Variants in CDH13 observed in about 807,000 individuals in gnomAD.
CDH13 encodes the protein cadherin 13, also known as cadherin-13.
CDH13 carries 24 observed loss-of-function variants against 63.8 expected under a neutral mutation model. The ratio of observed to expected loss-of-function variants is 0.38; its 90% CI spans 0.27 to 0.53. The LOEUF is 0.53. Among genes scored for constraint, CDH13 ranks in the 20% least tolerant of loss-of-function variants. The pLI, the probability that CDH13 is intolerant of heterozygous loss-of-function variation, is 0.85. For synonymous variants in CDH13, 503 were observed against 355.3 expected, an observed-to-expected ratio of 1.42 and a Z score of -4.67; for missense variants, 1,049 against 903.1, an observed-to-expected ratio of 1.16 and a Z score of -2.07.
intron 8 of CDH13, among the ~76,000 whole-genome samples, chr16:83,658,334 A>G (rs543610446): frequency 2.6e-5 from 1 of 37,990 alleles, no homozygotes; most frequent in African/African-American, 9.4e-5. Context: ...GCAAGGTCCC[A>G]TATCCTCACC....
At chr16:82,789,724 A>T (rs1325418985) in intron 1 of CDH13, among the ~76,000 whole-genome samples, 6 of 152,180 alleles carry the variant, frequency 3.9e-5, no homozygotes, top group African/African-American at 9.7e-5. Context: ...ATTTTTACAC[A>T]GTGTGAAGTC....
intron 6 of CDH13, among the ~76,000 whole-genome samples, chr16:83,468,524 A>G (rs2073374754): frequency 6.6e-6 from 1 of 152,216 alleles, no homozygotes; most frequent in Non-Finnish European, 1.5e-5. Flanking sequence ...TCCCCAGGAA[A>G]TAGATTTAGT....
chr16:82,816,049 G>C (rs1056569680), intron 1 of CDH13, among the ~76,000 whole-genome samples: 1 of 152,144 alleles, frequency 6.6e-6, no homozygotes, highest in African/African-American at 2.4e-5. Context: ...ATTGTTGTCA[G>C]AAACAGGCTC....
chr16:83,030,534 C>A (rs997798534), intron 2 of CDH13, among the ~76,000 whole-genome samples: 1 of 150,372 alleles, frequency 6.7e-6, no homozygotes. Flanking sequence ...TCCCAGCTAC[C>A]CAGGAGGCTG....
chr16:83,636,006 G>T (rs867167301), intron 8 of CDH13, among the ~76,000 whole-genome samples: 1 of 151,874 alleles, frequency 6.6e-6, no homozygotes, highest in Non-Finnish European at 1.5e-5. Context: ...TTTAGGTTGA[G>T]TTCATTTATC....
At chr16:82,946,686 A>G (rs1166825399) in intron 2 of CDH13, among the ~76,000 whole-genome samples, 1 of 151,622 alleles carries the variant, frequency 6.6e-6, no homozygotes, top group Non-Finnish European at 1.5e-5. Flanking sequence ...ACACCACTGC[A>G]CTCCAGCGTG....
chr16:83,736,101 T>C lies in CDH13; in HGVS notation c.1539-12007T>C, dbSNP rs77966726. ...GAAAAAGCCACCCAATCTGGATACA[T>C]GGATGTAGCAAATTTAACCTTAGAC... On this transcript the variant is annotated intron_variant, in intron 10 of 13. Transcript: ENST00000567109. Among the ~76,000 whole-genome samples the C allele has an allele frequency of 4.9e-3, 749 of 152,294 alleles. 4 individuals are homozygous for C. Among genetic ancestry groups the C allele is most frequent in the Middle Eastern group, 0.02 (6 of 294 alleles).
intron 2 of CDH13, among the ~76,000 whole-genome samples, chr16:83,004,989 C>G (rs1178080709): frequency 6.6e-6 from 1 of 152,198 alleles, no homozygotes; most frequent in African/African-American, 2.4e-5. Flanking sequence ...AGAAGAGCAT[C>G]TTCCTTTTAA....
chr16:82,720,501 C>T (rs962152321), intron 1 of CDH13, among the ~76,000 whole-genome samples: 2 of 152,104 alleles, frequency 1.3e-5, no homozygotes, highest in Non-Finnish European at 2.9e-5. Context: ...CATCGCAGGG[C>T]ACACTTACAC....
intron 1 of CDH13, among the ~76,000 whole-genome samples, chr16:82,748,234 CAA>C (rs2151065471): frequency 6.6e-6 from 1 of 152,328 alleles, no homozygotes; most frequent in East Asian, 1.9e-4. Context: ...GCTGGATCCA[CAA>C]ACCCCACAGG....
At chr16:83,305,195 A>T (rs189503870) in intron 5 of CDH13, among the ~76,000 whole-genome samples, 5 of 152,232 alleles carry the variant, frequency 3.3e-5, no homozygotes, top group African/African-American at 9.6e-5. Context: ...GAGCTGACTC[A>T]TTTGTAGGCA....
At chr16:83,624,036 T>C (rs1470514860) in intron 8 of CDH13, among the ~76,000 whole-genome samples, 1 of 152,164 alleles carries the variant, frequency 6.6e-6, no homozygotes, top group East Asian at 1.9e-4. Flanking sequence ...GTTCCGGGGC[T>C]TTCCAGCTTC....
chr16:82,644,398 C>G lies in CDH13; in HGVS notation c.45+17261C>G, dbSNP rs1286051599. 6.6e-6 allele frequency among the ~76,000 whole-genome samples: 1 copy of G among 152,120 alleles called. No homozygotes were observed. The highest frequency in any genetic ancestry group is 1.5e-5 in the Non-Finnish European group (1 of 68,026). On this transcript the variant is annotated intron_variant, in intron 1 of 13. Coordinates refer to ENST00000567109, the MANE Select transcript of CDH13 (RefSeq NM_001257.5). This position sits in a 1 kb window ranked among gnomAD's most constrained non-coding sequence, Gnocchi z 5.7. The stretch of plus-strand genomic sequence containing the variant: ...ACGGAGTTCCTTTGATTCTCAGGTC[C>G]CTTAACCATGGAACGTACTCCTGTC...
intron 8 of CDH13, among the ~76,000 whole-genome samples, chr16:83,616,843 C>T (rs1456748422): frequency 6.6e-6 from 1 of 152,190 alleles, no homozygotes; most frequent in East Asian, 1.9e-4. Context: ...CACCTGGCTA[C>T]AGCCTGCCTT....
chr16:82,810,030 C>G (rs1038495018), intron 1 of CDH13, among the ~76,000 whole-genome samples: 1 of 152,190 alleles, frequency 6.6e-6, no homozygotes, highest in Admixed American at 6.6e-5. Flanking sequence ...TGCCATCGCC[C>G]GGTGCCTTAG....
chr16:83,725,907 G>T (rs1454464925), intron 10 of CDH13: 1 of 152,222 alleles, frequency 6.6e-6, no homozygotes, highest in Non-Finnish European at 1.5e-5. Context: ...TACAAATCCT[G>T]CATTTGCATT....
chr16:82,893,752 C>T (rs1462772384), intron 2 of CDH13, among the ~76,000 whole-genome samples: 11 of 152,178 alleles, frequency 7.2e-5, no homozygotes, highest in African/African-American at 1.7e-4. Flanking sequence ...AGCTCGCTTA[C>T]GTCTAGGTCA....
chr16:83,480,186 C>A (rs775233264), intron 6 of CDH13, among the ~76,000 whole-genome samples: 3 of 152,084 alleles, frequency 2.0e-5, no homozygotes, highest in Non-Finnish European at 4.4e-5. Context: ...CATAGTGGTG[C>A]GCACCTATAG....
chr16:82,694,730 C>T (rs894873314), intron 1 of CDH13, among the ~76,000 whole-genome samples: 1 of 152,170 alleles, frequency 6.6e-6, no homozygotes, highest in Admixed American at 6.5e-5. Context: ...GTATGATTCA[C>T]CCAATCACTC....
Sources: allele counts gnomAD v4.1 joint callset (sites outside exome capture counted in the v4.1 genomes callset), GRCh38; gene constraint gnomAD v4.1.1; non-coding constraint Gnocchi (gnomAD v3.1); transcripts MANE v1.5; gene names NCBI Gene and HGNC (gene_info 2026-07-23, HGNC 2026-07-21).